Variants in POM121 observed in about 807,000 individuals in gnomAD.
POM121 encodes POM121 transmembrane nucleoporin, also known as nuclear envelope pore membrane protein POM 121.
In POM121, 32 loss-of-function variants were observed where a neutral mutation model predicts 81.3. The ratio of observed to expected loss-of-function variants is 0.39; its 90% confidence interval spans 0.30 to 0.53. The LOEUF (loss-of-function observed/expected upper bound fraction) is 0.53. Ranked by LOEUF, POM121 falls within the 20% of genes least tolerant of loss-of-function variation. POM121 has a pLI of 0.66. For synonymous variants in POM121, 514 were observed against 694.2 expected (o/e 0.74, Z 4.08); for missense variants, 1,138 against 1,614.6 (o/e 0.70, Z 5.06).
chr7:72,950,270 A>T, downstream of POM121: 1 of 1,311,678 alleles, frequency 7.6e-7, no homozygotes, highest in Non-Finnish European at 1.0e-6. Flanking sequence ...CGGTCCATTC[A>T]TGCAACAAAT....
chr7:72,939,314 A>G lies in POM121; in HGVS notation c.1368-22A>G, dbSNP rs183152494. On this transcript the variant is annotated intron_variant, in intron 6 of 12. Coordinates refer to ENST00000434423, the MANE Select transcript of POM121 (RefSeq NM_001387691.1). ...CAGCCAAGAAGCCTTTCTAGACTAA[A>G]TTGTTCCTTTTTTCCTGACAGAGAA... The G allele has an allele frequency of 7.4e-6, 12 of 1,613,204 alleles. No homozygotes were observed. In the African/African-American group the frequency reaches 9.3e-5, roughly 13 times the overall value.
At chr7:72,881,378 G>A (rs1412604934) in intron 1 of POM121, among the ~76,000 whole-genome samples, 1 of 149,406 alleles carries the variant, frequency 6.7e-6, no homozygotes, top group Non-Finnish European at 1.5e-5. Context: ...TTTGCAGGTT[G>A]AGTGTTCACA....
intron 3 of POM121, among the ~76,000 whole-genome samples, chr7:72,905,702 A>T (rs1793169792): frequency 6.6e-6 from 1 of 152,218 alleles, no homozygotes; most frequent in Admixed American, 6.5e-5. Flanking sequence ...TCCATCTCAA[A>T]AAAAAGATTT....
chr7:72,899,102 C>T (rs1792300833), intron 3 of POM121, among the ~76,000 whole-genome samples: 1 of 151,466 alleles, frequency 6.6e-6, no homozygotes, highest in East Asian at 2.0e-4. Flanking sequence ...CTGGCCTCAG[C>T]CCCTGAGTAG....
chr7:72,890,951 C>T (rs1444750533), exon 3 of POM121: 1 of 1,312,924 alleles, frequency 7.6e-7, no homozygotes, highest in African/African-American at 1.5e-5. Flanking sequence ...GTGGCAACAT[C>T]TTGTACTTCG....
At chr7:72,908,402 G>T (rs1793482910) in intron 3 of POM121, among the ~76,000 whole-genome samples, 1 of 152,188 alleles carries the variant, frequency 6.6e-6, no homozygotes, top group Non-Finnish European at 1.5e-5. Context: ...GAAATCACAT[G>T]CTTCACAAGG....
chr7:72,948,202 G>C lies in POM121; in HGVS notation c.*1968G>C, dbSNP rs527848244. The C allele has an allele frequency of 6.9e-7, 1 of 1,442,418 alleles. No individual in the cohort carries two copies. Among genetic ancestry groups the C allele is most frequent in the South Asian group, 1.5e-5 (1 of 66,862 alleles). 89.4% of individuals were successfully genotyped at this position (1,442,418 alleles called of 1,614,324 possible). On this transcript the variant is annotated 3_prime_UTR_variant, in exon 13 of 13. Transcript: ENST00000434423. ...GCTGGGACTTTCCATTACAAATAGA[G>C]ACTTCATTCCTGTTGAGTCTAGTTG... is the stretch of plus-strand genomic sequence containing the variant.
chr7:72,906,650 CAG>C (rs1238624960), intron 3 of POM121, among the ~76,000 whole-genome samples: 1 of 152,136 alleles, frequency 6.6e-6, no homozygotes, highest in Non-Finnish European at 1.5e-5. Context: ...TTTATTGAGA[CAG>C]AGTCTTACTC....
At chr7:72,900,661 G>A (rs1241048932) in intron 3 of POM121, among the ~76,000 whole-genome samples, 1 of 151,770 alleles carries the variant, frequency 6.6e-6, no homozygotes, top group Non-Finnish European at 1.5e-5. Context: ...ATGCAATCAC[G>A]CCTGGCTAAT....
At chr7:72,896,758 G>A (rs1791994340) in intron 3 of POM121, among the ~76,000 whole-genome samples, 3 of 151,502 alleles carry the variant, frequency 2.0e-5, no homozygotes, top group Admixed American at 6.6e-5. Flanking sequence ...CCCATCCCAC[G>A]AAGTGTTCAT....
In POM121 at chr7:72,925,700, C is replaced by A; in HGVS notation, c.579C>A (p.Arg193=). The stretch of plus-strand genomic sequence containing the variant: ...CCCCGCCCTCCCCGCCGACCCATCG[C>A]GCTCACCACGTTTACCCCTCTCTGC... ...RSPPPSPPTH[R]AHHVYPSLPT... The change falls in exon 1 of 13, where the codon CGC becomes CGA. Residue 193 remains arginine, a synonymous_variant. Transcript: ENST00000434423. 2 of 1,266,116 alleles carry A rather than the reference C, an allele frequency of 1.6e-6. No homozygotes were observed. The highest frequency in any genetic ancestry group is 2.0e-6 in the Non-Finnish European group (2 of 1,001,016). 78.4% of individuals were successfully genotyped at this position (1,266,116 alleles called of 1,614,324 possible).
chr7:72,929,035 C>G (rs1279888273), intron 4 of POM121, among the ~76,000 whole-genome samples: 1 of 152,196 alleles, frequency 6.6e-6, no homozygotes, highest in Admixed American at 6.5e-5. Context: ...GTGGTCAGAT[C>G]AGTGTACTGC....
chr7:72,946,106 G>A (rs1397996387), intron 12 of POM121, 31 bp from the exon 13 acceptor site: 1 of 1,609,872 alleles, frequency 6.2e-7, no homozygotes, highest in Non-Finnish European at 8.5e-7. Context: ...GGTAGCAGCT[G>A]CCCTGATGAG....
At chr7:72,897,808 C>G (rs10263660) in intron 3 of POM121, among the ~76,000 whole-genome samples, 7 of 151,482 alleles carry the variant, frequency 4.6e-5, no homozygotes, top group Non-Finnish European at 1.0e-4. Flanking sequence ...ATCACTTGAG[C>G]CCAGGAGTTC....
At chr7:72,930,357 T>A (rs1400148078) in intron 5 of POM121, among the ~76,000 whole-genome samples, 1 of 152,244 alleles carries the variant, frequency 6.6e-6, no homozygotes, top group African/African-American at 2.4e-5. Context: ...CTGATCACCT[T>A]CTATCTGTCA....
chr7:72,883,126 A>G (rs1302659963), intron 1 of POM121, among the ~76,000 whole-genome samples: 3 of 152,046 alleles, frequency 2.0e-5, no homozygotes, highest in Non-Finnish European at 4.4e-5. Flanking sequence ...TGCAACCTCA[A>G]TCTCCTGGGC....
chr7:72,930,805 G>A lies in POM121; in HGVS notation c.1275+694G>A, dbSNP rs142003026. 3.9e-3 allele frequency among the ~76,000 whole-genome samples: 599 copies of A among 152,184 alleles called. 3 individuals are homozygous for A. Among genetic ancestry groups the A allele is most frequent in the African/African-American group, 0.013 (550 of 41,508 alleles). ...GTCCAGGAGTTCAAGACTAGCCTGTGCAACAGAGCAAGACTGTGTCTCAAA... is the reference window on the plus strand; with the variant it reads ...GTCCAGGAGTTCAAGACTAGCCTGTACAACAGAGCAAGACTGTGTCTCAAA... On this transcript the variant is annotated intron_variant, in intron 5 of 12. Coordinates refer to ENST00000434423, the MANE Select transcript of POM121 (RefSeq NM_001387691.1).
Position 72,925,265 on chromosome 7 carries a change from C to T in POM121, c.144C>T (p.Leu48=), listed in dbSNP as rs763406714. The part of the protein sequence containing the change: ...GLSLVGLLLY[L]VPAAAALAWL... ...CGCTGGTTGGCCTCTTACTGTACCTCGTGCCGGCTGCGGCTGCACTGGCCT... is the reference window on the plus strand; with the variant it reads ...CGCTGGTTGGCCTCTTACTGTACCTTGTGCCGGCTGCGGCTGCACTGGCCT... The change falls in exon 1 of 13, where the codon CTC becomes CTT. Residue 48 remains leucine (L), a synonymous_variant. Coordinates refer to ENST00000434423, the MANE Select transcript of POM121 (RefSeq NM_001387691.1). The T allele has an allele frequency of 1.3e-6, 2 of 1,534,576 alleles. No homozygotes were observed. Among genetic ancestry groups the T allele is most frequent in the Non-Finnish European group, 1.7e-6 (2 of 1,146,394 alleles).
chr7:72,932,912 C>T (rs1796158615), intron 5 of POM121, among the ~76,000 whole-genome samples: 1 of 151,656 alleles, frequency 6.6e-6, no homozygotes, highest in East Asian at 1.9e-4. Flanking sequence ...ATTAGCTGGG[C>T]ATGGTGGCAC....
Sources: allele counts gnomAD v4.1 joint callset (sites outside exome capture counted in the v4.1 genomes callset), GRCh38; gene constraint gnomAD v4.1.1; transcripts MANE v1.5; gene names NCBI Gene and HGNC (gene_info 2026-07-23, HGNC 2026-07-21).